Variants in GADL1 observed in about 807,000 individuals in gnomAD.
GADL1 encodes the protein GAD like acidic amino acid decarboxylase 1.
In GADL1, 71 loss-of-function variants were observed where a neutral mutation model predicts 69.5. That is an observed-to-expected ratio of 1.02 (90% confidence interval 0.84 to 1.25). The LOEUF (loss-of-function observed/expected upper bound fraction) is 1.25. Ranked by LOEUF, GADL1 falls within the 50% of genes most tolerant of loss-of-function variation. The pLI is 0.00. For missense variants in GADL1, 737 were observed against 631.8 expected (o/e 1.17, Z -1.79); for synonymous variants, 254 against 214.4 (o/e 1.18, Z -1.62).
intron 11 of GADL1, among the ~76,000 whole-genome samples, chr3:30,808,137 G>A (rs1422587797): frequency 6.6e-6 from 1 of 152,132 alleles, no homozygotes; most frequent in Non-Finnish European, 1.5e-5. Context: ...GGAAGAAAAA[G>A]GAGGAGGGGA....
At chr3:30,758,345 T>C (rs1395847276) in intron 14 of GADL1, among the ~76,000 whole-genome samples, 2 of 152,142 alleles carry the variant, frequency 1.3e-5, no homozygotes, top group Non-Finnish European at 2.9e-5. Context: ...GGCTATTCTT[T>C]GCAGCCTCCC....
At chr3:30,864,008 A>G (rs879237555) in intron 1 of GADL1, among the ~76,000 whole-genome samples, 2 of 152,048 alleles carry the variant, frequency 1.3e-5, no homozygotes, top group African/African-American at 2.4e-5. Context: ...TAGAGCTCCA[A>G]TGAAGAATGT....
intron 14 of GADL1, among the ~76,000 whole-genome samples, chr3:30,753,970 C>T (rs1249552655): frequency 6.6e-6 from 1 of 152,140 alleles, no homozygotes; most frequent in Non-Finnish European, 1.5e-5. Context: ...ACGCTAAAAG[C>T]CATGGCCACC....
At chr3:30,876,984 T>A (rs565499732) in intron 1 of GADL1, among the ~76,000 whole-genome samples, 4 of 152,000 alleles carry the variant, frequency 2.6e-5, no homozygotes, top group African/African-American at 9.6e-5. Context: ...CAGAGTCTGA[T>A]TCTGAAAAAT....
intron 6 of GADL1, among the ~76,000 whole-genome samples, chr3:30,846,328 ACT>A (rs1410425930): frequency 8.5e-5 from 13 of 152,142 alleles, no homozygotes; most frequent in Admixed American, 5.2e-4. Context: ...GACGAAAAAA[ACT>A]CTCAGCGGGT....
intron 11 of GADL1, among the ~76,000 whole-genome samples, chr3:30,820,844 A>G (rs1697564367): frequency 1.3e-5 from 2 of 151,804 alleles, no homozygotes; most frequent in Admixed American, 1.3e-4. Context: ...AGGACTATAA[A>G]TCATGCTGCT....
intron 11 of GADL1, among the ~76,000 whole-genome samples, chr3:30,816,338 A>G (rs1030984923): frequency 3.3e-5 from 5 of 151,990 alleles, no homozygotes; most frequent in Non-Finnish European, 2.9e-5. Flanking sequence ...TTTTCCACAC[A>G]GAAGGAACAA....
intron 1 of GADL1, among the ~76,000 whole-genome samples, chr3:30,876,588 G>T (rs961863632): frequency 6.6e-6 from 1 of 151,942 alleles, no homozygotes; most frequent in African/African-American, 2.4e-5. Context: ...AAACGGAGTA[G>T]AGTGTTTCTT....
rs1414397754 is a variant in GADL1, at chr3:30,726,419, A to G, written c.*1823T>C. The stretch of plus-strand genomic sequence containing the variant: ...GTTTCATGAAACCCAAATTGTTACA[A>G]ACATCAATTTTAGAAATATTTTATG... On this transcript the variant is annotated 3_prime_UTR_variant, in exon 15 of 15. Coordinates refer to ENST00000282538, the MANE Select transcript of GADL1 (RefSeq NM_207359.3). 3 of 152,130 alleles carry G rather than the reference A, an allele frequency of 2.0e-5. No individual in the cohort carries two copies. 9.4% of individuals were successfully genotyped at this position (152,130 alleles called of 1,614,324 possible). A position where few individuals can be genotyped will look rare whatever the true frequency, so the allele number is the denominator to read the frequency against.
chr3:30,863,196 A>G (rs909634146), intron 1 of GADL1, among the ~76,000 whole-genome samples: 2 of 151,972 alleles, frequency 1.3e-5, no homozygotes, highest in African/African-American at 4.8e-5. Context: ...TTTTAATTCT[A>G]TGTTTAAATG....
At chr3:30,842,821 T>TAAAAAA (rs1559358436) in intron 8 of GADL1, among the ~76,000 whole-genome samples, 1,908 of 66,108 alleles carry the variant, frequency 0.029, 45 homozygotes, top group Non-Finnish European at 0.035. Context: ...ATTGGAATGT[T>TAAAAAA]TAAAAAAAAA....
intron 13 of GADL1, among the ~76,000 whole-genome samples, chr3:30,779,600 C>A (rs532922441): frequency 6.6e-6 from 1 of 152,160 alleles, no homozygotes; most frequent in Admixed American, 6.5e-5. Flanking sequence ...TTTGCAGCAA[C>A]CTAATATAAT....
intron 14 of GADL1, among the ~76,000 whole-genome samples, chr3:30,753,824 G>C (rs1695896042): frequency 6.6e-6 from 1 of 152,178 alleles, no homozygotes; most frequent in African/African-American, 2.4e-5. Flanking sequence ...AAACAGGCTA[G>C]CTTCCTTGTA....
chr3:30,872,865 A>G (rs536946912), intron 1 of GADL1, among the ~76,000 whole-genome samples: 1 of 152,070 alleles, frequency 6.6e-6, no homozygotes, highest in African/African-American at 2.4e-5. Flanking sequence ...TTTCCAACTG[A>G]TGAAAATTAA....
At chr3:30,748,312 T>C (rs1422549813) in intron 14 of GADL1, among the ~76,000 whole-genome samples, 3 of 152,220 alleles carry the variant, frequency 2.0e-5, no homozygotes, top group Admixed American at 1.3e-4. Context: ...AATAAGGATG[T>C]AATTTTTTTA....
At chr3:30,849,934 C>G in intron 6 of GADL1, 62 bp downstream of exon 6, 2 of 964,678 alleles carry the variant, frequency 2.1e-6, no homozygotes, top group Admixed American at 3.5e-5. Context: ...AATCTTCAAA[C>G]AAAGCCCTCT....
chr3:30,779,392 T>C (rs1168746667), intron 13 of GADL1, among the ~76,000 whole-genome samples: 5 of 152,230 alleles, frequency 3.3e-5, no homozygotes, highest in Non-Finnish European at 4.4e-5. Context: ...TGCTCCAGTA[T>C]ATAAAGTTTC....
At chr3:30,803,083 C>A (rs114971622) in intron 11 of GADL1, among the ~76,000 whole-genome samples, 3,116 of 152,266 alleles carry the variant, frequency 0.02, 92 homozygotes, top group African/African-American at 0.072. Context: ...CACAGTGGGA[C>A]CCTGTCTCTA....
chr3:30,791,666 G>A (rs994110535), intron 12 of GADL1, among the ~76,000 whole-genome samples: 2 of 151,226 alleles, frequency 1.3e-5, no homozygotes, highest in African/African-American at 4.9e-5. Context: ...TTGGGGTAAT[G>A]TTCCTATCGC....
Sources: gnomAD v4.1 joint callset for allele counts (sites outside exome capture counted in the v4.1 genomes callset) on GRCh38, gnomAD v4.1.1 for gene constraint, MANE v1.5 for transcripts, NCBI Gene and HGNC (gene_info 2026-07-23, HGNC 2026-07-21) for gene names.